The following UBN1 variants were observed in gnomAD, a reference collection of about 807,000 sequenced individuals.
UBN1 encodes ubinuclein 1, also known as ubinuclein-1.
Under a neutral mutation model 108.5 loss-of-function variants are expected in UBN1, and 17 were observed. The observed-to-expected ratio is 0.16, with a 90% CI of 0.11 to 0.24. UBN1 has a LOEUF of 0.24. Among genes scored for constraint, UBN1 ranks in the 10% least tolerant of loss-of-function variants. The probability of loss-of-function intolerance (pLI) is 1.00; values close to 1 mark genes in which losing one functional copy is unlikely to be tolerated. For missense variants in UBN1, 1,595 were observed against 1,394.4 expected, an observed-to-expected ratio of 1.14 and a Z score of -2.29; for synonymous variants, 726 against 564.2, an observed-to-expected ratio of 1.29 and a Z score of -4.07.
chr16:4,872,810 A>T (rs532321015), intron 12 of UBN1, 74 bp from the exon 13 acceptor site: 1 of 1,555,840 alleles, frequency 6.4e-7, no homozygotes, highest in Non-Finnish European at 8.9e-7. Flanking sequence ...GACCAGGGAC[A>T]CTAGCAAAGT....
In UBN1 at chr16:4,882,220, A is replaced by T. The variant is rs2088095519; in HGVS notation, c.*2088A>T. On this transcript the variant is annotated 3_prime_UTR_variant, in exon 18 of 18. Transcript: ENST00000262376. ...TTCCCTGGCGCAGCGAAAGTCTCTGAGCACTTACCGGGCGTGACCGTTTCT... is the reference window on the plus strand; with the variant it reads ...TTCCCTGGCGCAGCGAAAGTCTCTGTGCACTTACCGGGCGTGACCGTTTCT... The T allele has an allele frequency of 6.6e-6, 1 of 152,560 alleles. No homozygotes were observed. The highest frequency in any genetic ancestry group is 2.4e-5 in the African/African-American group (1 of 41,386). The allele number at this position is 152,560 out of a possible 1,614,324, so 9.5% of individuals were successfully genotyped here. A position where few individuals can be genotyped will look rare whatever the true frequency, so the allele number is the denominator to read the frequency against.
Position 4,877,513 on chromosome 16 carries a change from G to T in UBN1, c.3355+39G>T, listed in dbSNP as rs2087941879. On this transcript the variant is annotated intron_variant, in intron 17 of 17. Transcript: ENST00000262376. This position sits in a 1 kb window ranked among gnomAD's most constrained non-coding sequence, Gnocchi z 4.3. ...GGTCAGTGTGCCACGCGCACCGTGT[G>T]CCTTTGCCCTCTCCACCCCTAGGTG... The T allele has an allele frequency of 6.4e-7, 1 of 1,567,908 alleles. No individual in the cohort carries two copies.
Position 4,877,484 on chromosome 16 carries a change from C to T in UBN1, c.3355+10C>T, listed in dbSNP as rs770239603. The T allele has an allele frequency of 2.8e-5, 45 of 1,606,772 alleles. No homozygotes were observed. The highest frequency in any genetic ancestry group is 6.6e-5 in the South Asian group (6 of 90,716). ...CCGCAGAGTCTGCCAGGTAATCACC[C>T]GACGGTCAGTGTGCCACGCGCACCG... On this transcript the variant is annotated intron_variant, in intron 17 of 17. Transcript: ENST00000262376. This position sits in a 1 kb window ranked among gnomAD's most constrained non-coding sequence, Gnocchi z 4.3.
chr16:4,853,988 G>A (rs897430117), intron 2 of UBN1, among the ~76,000 whole-genome samples: 1 of 152,104 alleles, frequency 6.6e-6, no homozygotes, highest in African/African-American at 2.4e-5. Context: ...ATACTTATGG[G>A]CAACCACTGC....
chr16:4,877,043 C>T lies in UBN1; in HGVS notation c.3197C>T (p.Ala1066Val). 1 of 1,614,222 alleles carries T rather than the reference C, an allele frequency of 6.2e-7. No homozygotes were observed. Among genetic ancestry groups the T allele is most frequent in the South Asian group, 1.1e-5 (1 of 91,084 alleles). ...TTCAGCGCTGACTCCTCTGCCAAAG[C>T]AGGGGTCTCCAAGGATGCCATCGTC... is the stretch of plus-strand genomic sequence containing the variant. ...LSFSADSSAK[A>V]GVSKDAIVTG... The change falls in exon 16 of 18, where the codon GCA becomes GTA. Residue 1066 changes from alanine (A) to valine (V), a missense_variant. Ala to Val is a moderately conservative substitution (Grantham distance 64). Around this residue, in one of 3 missense-constraint regions of UBN1, gnomAD observed 1,398 missense variants for 1,194.7 expected, o/e 1.17. Coordinates refer to ENST00000262376, the MANE Select transcript of UBN1 (RefSeq NM_001079514.3). The surrounding 1 kb of genome is among the most constrained non-coding windows in gnomAD (Gnocchi z 4.3).
In UBN1 at chr16:4,858,070, A is replaced by T; in HGVS notation, c.330A>T (p.Glu110Asp). The change falls in exon 3 of 18, where the codon GAA (glutamate) becomes GAT (aspartate). Residue 110 changes from glutamate to aspartate, a missense_variant. Glu to Asp is a conservative substitution (Grantham distance 45, BLOSUM62 2). This residue lies in a region of UBN1 where 181 missense variants were observed against 157.3 expected (regional missense o/e 1.15). Transcript: ENST00000262376. Reference protein sequence around the residue: ...KVEALARKFEEKYGGKKRRKD... With the variant: ...KVEALARKFEDKYGGKKRRKD... ...AGGCCCTTGCCCGAAAATTTGAAGA[A>T]AAATACGTAAGATTTCTCTCTTGAA... 6.2e-7 allele frequency: 1 copy of T among 1,607,988 alleles called. No homozygotes were observed. Among genetic ancestry groups the T allele is most frequent in the South Asian group, 1.1e-5 (1 of 90,826 alleles).
Position 4,874,232 on chromosome 16 carries a change from A to G in UBN1, c.1822A>G (p.Lys608Glu). The G allele has an allele frequency of 1.3e-6, 2 of 1,564,390 alleles. No individual in the cohort carries two copies. Among genetic ancestry groups the G allele is most frequent in the Non-Finnish European group, 1.7e-6 (2 of 1,156,372 alleles). ...KVKESSTKPDKKVSVPSGQIG... is the reference protein window; with the variant it reads ...KVKESSTKPDEKVSVPSGQIG... Reference sequence around the variant, plus strand: ...TTAGGAATCGTCTACGAAGCCTGATAAAAAGGTTTCTGTCCCATCAGGACA... The same window carrying G: ...TTAGGAATCGTCTACGAAGCCTGATGAAAAGGTTTCTGTCCCATCAGGACA... Residue 608 changes from lysine to glutamate, a missense_variant, in exon 15 of 18, where the codon AAA becomes GAA. By Grantham distance (56) the Lys-to-Glu change is moderately conservative. Coordinates refer to ENST00000262376, the MANE Select transcript of UBN1 (RefSeq NM_001079514.3).
Position 4,877,557 on chromosome 16 carries a change from T to C in UBN1, c.3355+83T>C. 6.7e-7 allele frequency: 1 copy of C among 1,486,556 alleles called. No individual in the cohort carries two copies. Among genetic ancestry groups the C allele is most frequent in the Non-Finnish European group, 8.9e-7 (1 of 1,122,384 alleles). 92.1% of individuals were successfully genotyped at this position (1,486,556 alleles called of 1,614,324 possible). A position where few individuals can be genotyped will look rare whatever the true frequency, so the allele number is the denominator to read the frequency against. On this transcript the variant is annotated intron_variant, in intron 17 of 17. Transcript: ENST00000262376. The surrounding 1 kb of genome is among the most constrained non-coding windows in gnomAD (Gnocchi z 4.3). ...CTAGGTGCTTTGCCGCTGCCAAGGG[T>C]CTTGGTGTCTTTGCCTTGACGCTGT...
chr16:4,854,586 C>T (rs1426942639), intron 2 of UBN1, among the ~76,000 whole-genome samples: 1 of 148,214 alleles, frequency 6.7e-6, no homozygotes, highest in Non-Finnish European at 1.5e-5. Context: ...TGCTGGTCTC[C>T]AACTCCTGAC....
At chr16:4,850,323 G>A (rs2086497505) in intron 1 of UBN1, among the ~76,000 whole-genome samples, 1 of 152,186 alleles carries the variant, frequency 6.6e-6, no homozygotes, top group African/African-American at 2.4e-5. Flanking sequence ...TAGGATTGAA[G>A]CTGCAGTCTC....
chr16:4,858,834 C>G (rs2086922947), intron 4 of UBN1, 171 bp downstream of exon 4: 1 of 950,464 alleles, frequency 1.1e-6, no homozygotes, highest in Non-Finnish European at 1.6e-6. Flanking sequence ...TCTTAGTTCC[C>G]TCTTCAGAAA....
intron 7 of UBN1, among the ~76,000 whole-genome samples, chr16:4,868,043 CTG>C (rs1251385719): frequency 2.6e-5 from 4 of 152,292 alleles, no homozygotes; most frequent in African/African-American, 7.2e-5. Flanking sequence ...TTTCCAGAGA[CTG>C]TGATTTGAAT....
At chr16:4,856,590 C>G (rs1234190979) in intron 2 of UBN1, among the ~76,000 whole-genome samples, 3 of 152,122 alleles carry the variant, frequency 2.0e-5, no homozygotes, top group Admixed American at 6.5e-5. Flanking sequence ...CCCTGGAGGT[C>G]TTAGAAAGAA....
intron 13 of UBN1, 46 bp from the exon 14 acceptor site, chr16:4,872,985 C>T (rs1567946910): frequency 1.2e-6 from 2 of 1,614,142 alleles, no homozygotes; most frequent in Non-Finnish European, 1.7e-6. Flanking sequence ...TTTTTGGTCT[C>T]CTCTGGATAT....
intron 1 of UBN1, among the ~76,000 whole-genome samples, chr16:4,848,919 G>A (rs1028730196): frequency 5.3e-5 from 8 of 152,056 alleles, no homozygotes; most frequent in Admixed American, 5.2e-4. Flanking sequence ...TGGCCAACAC[G>A]GTCAAACCCA....
At chr16:4,868,799 G>A (rs1567930815) in intron 7 of UBN1, 34 bp from the exon 8 acceptor site, 4 of 1,608,788 alleles carry the variant, frequency 2.5e-6, no homozygotes, top group Middle Eastern at 1.8e-4. Flanking sequence ...TGGGGAAAGT[G>A]CACTAACGGC....
In UBN1 at chr16:4,860,833, G is replaced by A. The variant is rs1770552864; in HGVS notation, c.841G>A (p.Glu281Lys). Residue 281 changes from glutamate (E) to lysine (K), a missense_variant, in exon 7 of 18, where the codon GAA becomes AAA. This residue lies in a region of UBN1 where 1,398 missense variants were observed against 1,194.7 expected (regional missense o/e 1.17). Coordinates refer to ENST00000262376, the MANE Select transcript of UBN1 (RefSeq NM_001079514.3). ...ATCAGCGGAAGCTCAGGGCCTGCGG[G>A]AACTGGAGGGTGCCTCTGACCCCTT... ...VPSAEAQGLR[E>K]LEGASDPLLS... 1 of 1,614,294 alleles carries A rather than the reference G, an allele frequency of 6.2e-7. No homozygotes were observed. The highest frequency in any genetic ancestry group is 8.5e-7 in the Non-Finnish European group (1 of 1,180,054).
intron 4 of UBN1, 156 bp downstream of exon 4, chr16:4,858,819 C>G (rs1186947286): frequency 3.2e-6 from 3 of 951,484 alleles, no homozygotes; most frequent in Non-Finnish European, 3.2e-6. Flanking sequence ...CATTCTTTAT[C>G]CGGGTCTTAG....
Position 4,877,889 on chromosome 16 carries a change from C to A in UBN1, c.3355+415C>A. 1.1e-6 allele frequency: 1 copy of A among 942,550 alleles called. No homozygotes were observed. The highest frequency in any genetic ancestry group is 1.3e-6 in the Non-Finnish European group (1 of 789,756). The allele number at this position is 942,550 out of a possible 1,614,324, so 58.4% of individuals were successfully genotyped here. On this transcript the variant is annotated intron_variant, in intron 17 of 17. Transcript: ENST00000262376. This position sits in a 1 kb window ranked among gnomAD's most constrained non-coding sequence, Gnocchi z 4.3. ...CTTGGAATGCAAGCTGCTCCACTGT[C>A]AGATGTGATTGCTTAACAGAAGGCT...
Sources: gnomAD v4.1 joint callset for allele counts (sites outside exome capture counted in the v4.1 genomes callset) on GRCh38, gnomAD v4.1.1 for gene constraint, gnomAD v4.1.1 regional missense constraint, Gnocchi (gnomAD v3.1) non-coding constraint, MANE v1.5 for transcripts, NCBI Gene and HGNC (gene_info 2026-07-23, HGNC 2026-07-21) for gene names.